FAM110A: variants seen among roughly 807,000 people sequenced by gnomAD.
FAM110A encodes the protein family with sequence similarity 110 member A.
A neutral mutation model predicts 4.0 loss-of-function variants in FAM110A; 1 was observed. The ratio of observed to expected loss-of-function variants is 0.25; its 90% confidence interval spans 0.09 to 1.20. The LOEUF (loss-of-function observed/expected upper bound fraction) is 1.20. Ranked by LOEUF, FAM110A falls within the 50% of genes most tolerant of loss-of-function variation. The pLI, the probability that FAM110A is intolerant of heterozygous loss-of-function variation, is 0.50. For synonymous variants in FAM110A, 217 were observed against 196.8 expected (o/e 1.10, Z -0.86); for missense variants, 436 against 429.2 (o/e 1.02, Z -0.14).
At chr20:843,723 C>T (rs1980075228) in intron 1 of FAM110A, among the ~76,000 whole-genome samples, 1 of 152,182 alleles carries the variant, frequency 6.6e-6, no homozygotes. Context: ...TCCTTGGAAA[C>T]AGGGTCAGGG....
chr20:842,383 G>T (rs1005553991), intron 1 of FAM110A, among the ~76,000 whole-genome samples: 4 of 152,208 alleles, frequency 2.6e-5, no homozygotes, highest in African/African-American at 9.6e-5. Context: ...CTCTTTATCC[G>T]GATGGTGCCC....
At chr20:835,069 C>T (rs1979497564) in intron 1 of FAM110A, among the ~76,000 whole-genome samples, 1 of 152,002 alleles carries the variant, frequency 6.6e-6, no homozygotes. Flanking sequence ...CCCAAAACCT[C>T]AGTAATCAAG....
intron 1 of FAM110A, among the ~76,000 whole-genome samples, chr20:844,144 G>C (rs1185976233): frequency 2.0e-5 from 3 of 152,208 alleles, no homozygotes; most frequent in Non-Finnish European, 2.9e-5. Context: ...GGTAGAGGTG[G>C]TACCAGGCTC....
At chr20:839,846 G>A (rs955178772) in intron 1 of FAM110A, 17 of 1,605,550 alleles carry the variant, frequency 1.1e-5, no homozygotes, top group Middle Eastern at 2.1e-4. Flanking sequence ...CCTTCATGAC[G>A]TGAAGGTTGG....
At chr20:839,176 C>A (rs2122663032) in intron 1 of FAM110A, among the ~76,000 whole-genome samples, 1 of 152,250 alleles carries the variant, frequency 6.6e-6, no homozygotes, top group East Asian at 1.9e-4. Flanking sequence ...CACCTCCCCT[C>A]CCCAGATGTG....
chr20:841,851 C>T (rs1600011245), intron 1 of FAM110A, among the ~76,000 whole-genome samples: 1 of 152,212 alleles, frequency 6.6e-6, no homozygotes, highest in South Asian at 2.1e-4. Context: ...TTTGCCCACC[C>T]GTGACGTGGG....
In FAM110A at chr20:840,979, GC is replaced by G; in HGVS notation, c.-97-3728del. Among the ~76,000 whole-genome samples the G allele has an allele frequency of 6.6e-6, 1 of 152,370 alleles. No homozygotes were observed. Among genetic ancestry groups the G allele is most frequent in the East Asian group, 1.9e-4 (1 of 5,190 alleles). ...TGGCGGTCGTTCTGAGTGTCAGGGA[GC>G]GGGGCTCAGTTTGTCCATCTCTAAG... On this transcript the variant is annotated intron_variant, in intron 1 of 1. Coordinates refer to ENST00000381941, the MANE Select transcript of FAM110A (RefSeq NM_001042353.3). The surrounding 1 kb of genome is among the most constrained non-coding windows in gnomAD (Gnocchi z 4.4).
At chr20:844,474 T>A (rs928963679) in intron 1 of FAM110A, among the ~76,000 whole-genome samples, 1 of 151,780 alleles carries the variant, frequency 6.6e-6, no homozygotes, top group Admixed American at 6.6e-5. Flanking sequence ...CTCTAGCACC[T>A]TTTTTCCTCT....
chr20:839,816 G>T, intron 1 of FAM110A: 1 of 1,591,106 alleles, frequency 6.3e-7, no homozygotes, highest in East Asian at 2.2e-5. Context: ...CGCAGCCCCG[G>T]GACTTGAGAG....
chr20:844,948 C>T lies in FAM110A; in HGVS notation c.144C>T (p.Ala48=), dbSNP rs1411205346. The T allele has an allele frequency of 6.3e-7, 1 of 1,590,084 alleles. No individual in the cohort carries two copies. Among genetic ancestry groups the T allele is most frequent in the South Asian group, 1.1e-5 (1 of 87,886 alleles). ...RKPSAVERLE[A]DKAKYVKSLH... Reference sequence around the variant, plus strand: ...CGAGCGCTGTGGAGCGCCTGGAGGCCGACAAGGCCAAGTACGTCAAGAGCC... The same window carrying T: ...CGAGCGCTGTGGAGCGCCTGGAGGCTGACAAGGCCAAGTACGTCAAGAGCC... Residue 48 remains alanine (A), a synonymous_variant, in exon 2 of 2, where the codon GCC becomes GCT. Transcript: ENST00000381941.
Position 840,068 on chromosome 20 carries a change from T to C in FAM110A, c.-97-4640T>C. 1.3e-6 allele frequency: 1 copy of C among 751,976 alleles called. No individual in the cohort carries two copies. The highest frequency in any genetic ancestry group is 1.7e-5 in the South Asian group (1 of 59,128). The allele number at this position is 751,976 out of a possible 1,614,324, so 46.6% of individuals were successfully genotyped here. A position where few individuals can be genotyped will look rare whatever the true frequency, so the allele number is the denominator to read the frequency against. On this transcript the variant is annotated intron_variant, in intron 1 of 1. Transcript: ENST00000381941. The surrounding 1 kb of genome is among the most constrained non-coding windows in gnomAD (Gnocchi z 4.4). Reference sequence around the variant, plus strand: ...GAAAATCATTATTGTTGCTTTGCTGTTACTACTATTAGCGCCTGAAGGAGC... The same window carrying C: ...GAAAATCATTATTGTTGCTTTGCTGCTACTACTATTAGCGCCTGAAGGAGC...
rs1321396273 is a variant in FAM110A, at chr20:845,073, G to T, written c.269G>T (p.Arg90Leu). 4 of 1,595,224 alleles carry T rather than the reference G, an allele frequency of 2.5e-6. No homozygotes were observed. The Admixed American group carries it at 6.9e-5, about 28-fold the overall frequency. The change falls in exon 2 of 2, where the codon CGC (arginine) becomes CTC (leucine). Residue 90 changes from arginine (R) to leucine (L), a missense_variant. Physicochemically the swap from Arg to Leu is moderately radical, Grantham distance 102. Coordinates refer to ENST00000381941, the MANE Select transcript of FAM110A (RefSeq NM_001042353.3). ...CGCCGCACAGTGCTCACGCCCAGCC[G>T]CCGAGCCCTGCCTGGCCCCTGCCGA... ...ETRRTVLTPS[R>L]RALPGPCRRP... is the part of the protein sequence containing the mutation.
In FAM110A at chr20:845,118, A is replaced by G. The variant is rs148342701; in HGVS notation, c.314A>G (p.Asp105Gly). ...GPCRRPQLDL[D>G]ILSSLIDLCD... ...TGCCGACGGCCCCAGCTGGACCTGG[A>G]CATCCTCAGCAGCCTCATCGACTTG... The change falls in exon 2 of 2, where the codon GAC (aspartate) becomes GGC (glycine). Residue 105 changes from aspartate (D) to glycine (G), a missense_variant. Transcript: ENST00000381941. The G allele has an allele frequency of 3.1e-6, 5 of 1,589,446 alleles. No individual in the cohort carries two copies. In the Admixed American group the frequency reaches 8.6e-5, roughly 27 times the overall value.
intron 1 of FAM110A, among the ~76,000 whole-genome samples, chr20:837,916 T>G (rs548839317): frequency 6.6e-5 from 10 of 152,200 alleles, no homozygotes; most frequent in African/African-American, 2.2e-4. Context: ...CCTTTTTTTT[T>G]TTTCTCTTCT....
At position 845,087 on chromosome 20, in the gene FAM110A, G is replaced by A; in HGVS notation, c.283G>A (p.Gly95Ser). Residue 95 changes from glycine to serine, a missense_variant, in exon 2 of 2, where the codon GGC (glycine) becomes AGC (serine). Gly to Ser is a moderately conservative substitution (Grantham distance 56). Transcript: ENST00000381941. Reference sequence around the variant, plus strand: ...CACGCCCAGCCGCCGAGCCCTGCCTGGCCCCTGCCGACGGCCCCAGCTGGA... The same window carrying A: ...CACGCCCAGCCGCCGAGCCCTGCCTAGCCCCTGCCGACGGCCCCAGCTGGA... ...VLTPSRRALP[G>S]PCRRPQLDLD... 7 of 1,597,316 alleles carry A rather than the reference G, an allele frequency of 4.4e-6. No individual in the cohort carries two copies. Among genetic ancestry groups the A allele is most frequent in the Non-Finnish European group, 6.0e-6 (7 of 1,173,282 alleles).
At chr20:838,263 T>C (rs564748830) in intron 1 of FAM110A, among the ~76,000 whole-genome samples, 113 of 152,390 alleles carry the variant, frequency 7.4e-4, no homozygotes, top group African/African-American at 2.5e-3. Flanking sequence ...TTGACAGATA[T>C]GTTTAACTTT....
Position 845,003 on chromosome 20 carries a change from G to T in FAM110A, c.199G>T (p.Val67Leu), listed in dbSNP as rs1250405441. Residue 67 changes from valine to leucine, a missense_variant, in exon 2 of 2, where the codon GTG (valine) becomes TTG (leucine). By Grantham distance (32) the Val-to-Leu change is conservative. Transcript: ENST00000381941. The part of the protein sequence containing the change: ...LHVANTRQEP[V>L]QPLLSKQPLF... Reference sequence around the variant, plus strand: ...CGTGGCCAACACCCGCCAGGAGCCTGTGCAGCCCCTGCTGTCCAAACAGCC... The same window carrying T: ...CGTGGCCAACACCCGCCAGGAGCCTTTGCAGCCCCTGCTGTCCAAACAGCC... 6.3e-7 allele frequency: 1 copy of T among 1,597,140 alleles called. No individual in the cohort carries two copies. Among genetic ancestry groups the T allele is most frequent in the Non-Finnish European group, 8.5e-7 (1 of 1,172,712 alleles).
At position 834,633 on chromosome 20, in the gene FAM110A, CT is replaced by C. The variant is rs1979479298; in HGVS notation, c.-98+683del. On this transcript the variant is annotated intron_variant, in intron 1 of 1. Coordinates refer to ENST00000381941, the MANE Select transcript of FAM110A (RefSeq NM_001042353.3). This position sits in a 1 kb window ranked among gnomAD's most constrained non-coding sequence, Gnocchi z 5.6. ...GTCTCCTGGGGACACCCCCTGCCCC[CT>C]AGGTTGCTATTGTCAGTCTCCTTTT... Among the ~76,000 whole-genome samples, 1 of 152,170 alleles carries C rather than the reference CT, an allele frequency of 6.6e-6. No individual in the cohort carries two copies. The highest frequency in any genetic ancestry group is 2.4e-5 in the African/African-American group (1 of 41,452).
intron 1 of FAM110A, chr20:839,683 C>T: frequency 8.1e-7 from 1 of 1,236,012 alleles, no homozygotes; most frequent in Non-Finnish European, 1.2e-6. Flanking sequence ...GGAACAATCT[C>T]CGGGGGCAGA....
Sources: gnomAD v4.1 joint callset for allele counts (sites outside exome capture counted in the v4.1 genomes callset) on GRCh38, gnomAD v4.1.1 for gene constraint, Gnocchi (gnomAD v3.1) non-coding constraint, MANE v1.5 for transcripts, NCBI Gene and HGNC (gene_info 2026-07-23, HGNC 2026-07-21) for gene names.